The following CCSER1 variants were observed in gnomAD, a reference collection of about 807,000 sequenced individuals.
CCSER1 encodes serine-rich coiled-coil domain-containing protein 1.
In CCSER1, 41 loss-of-function variants were observed where a neutral mutation model predicts 82.0. The observed-to-expected ratio is 0.50, with a 90% CI of 0.39 to 0.65. CCSER1 has a LOEUF of 0.65. Ranked by LOEUF, CCSER1 falls within the 30% of genes least tolerant of loss-of-function variation. The pLI is 0.00. For synonymous variants in CCSER1, 414 were observed against 383.9 expected, an observed-to-expected ratio of 1.08 and a Z score of -0.92; for missense variants, 1,119 against 1,064.2, an observed-to-expected ratio of 1.05 and a Z score of -0.72.
At chr4:90,659,148 T>C (rs971094313) in intron 6 of CCSER1, among the ~76,000 whole-genome samples, 1 of 149,498 alleles carries the variant, frequency 6.7e-6, no homozygotes, top group African/African-American at 2.5e-5. Flanking sequence ...AATGTTACAA[T>C]GGGACTCGTT....
At chr4:90,447,595 T>C (rs1281460090) in intron 4 of CCSER1, among the ~76,000 whole-genome samples, 1 of 152,236 alleles carries the variant, frequency 6.6e-6, no homozygotes, top group East Asian at 1.9e-4. Context: ...GTAAAGTGAC[T>C]AGTTATATTA....
chr4:91,171,408 C>A (rs1445834620), intron 10 of CCSER1, among the ~76,000 whole-genome samples: 3 of 152,152 alleles, frequency 2.0e-5, no homozygotes, highest in Non-Finnish European at 4.4e-5. Context: ...CTTGAGTAGT[C>A]TAGCTTCCTA....
chr4:90,560,792 A>G (rs1323689316), intron 5 of CCSER1, among the ~76,000 whole-genome samples: 1 of 152,104 alleles, frequency 6.6e-6, no homozygotes, highest in Non-Finnish European at 1.5e-5. Flanking sequence ...TACTCTTTTC[A>G]TGGAGTAGTT....
intron 10 of CCSER1, among the ~76,000 whole-genome samples, chr4:91,480,659 G>A (rs898981503): frequency 1.3e-5 from 2 of 152,160 alleles, no homozygotes; most frequent in East Asian, 1.9e-4. Context: ...AAGTATAACC[G>A]AGTAGCAGAA....
At chr4:91,143,719 T>G (rs143982432) in intron 10 of CCSER1, among the ~76,000 whole-genome samples, 2,229 of 152,228 alleles carry the variant, frequency 0.015, 50 homozygotes, top group African/African-American at 0.049. Flanking sequence ...TTTTTCTTCA[T>G]CTATTGAGAT....
intron 1 of CCSER1, among the ~76,000 whole-genome samples, chr4:90,140,203 A>G (rs1578155040): frequency 6.6e-6 from 1 of 152,340 alleles, no homozygotes; most frequent in Non-Finnish European, 1.5e-5. Context: ...CTAAAATAAA[A>G]GTTGCCTTAA....
chr4:90,869,681 AT>A (rs1174781182), intron 8 of CCSER1, among the ~76,000 whole-genome samples: 6 of 150,758 alleles, frequency 4.0e-5, no homozygotes, highest in Non-Finnish European at 8.9e-5. Context: ...GGCTTTGGCT[AT>A]TCTGGGTCTT....
In CCSER1 at chr4:90,296,925, G is replaced by A. The variant is rs568910528; in HGVS notation, c.-41-11319G>A. Reference sequence around the variant, plus strand: ...GTAGTATAGTTTGAAGTCAGGTAGCGTGATGCTTCCAGCTTTGTTCTTTTG... The same window carrying A: ...GTAGTATAGTTTGAAGTCAGGTAGCATGATGCTTCCAGCTTTGTTCTTTTG... On this transcript the variant is annotated intron_variant, in intron 1 of 10. Transcript: ENST00000509176. 5.6e-3 allele frequency among the ~76,000 whole-genome samples: 856 copies of A among 152,198 alleles called. 10 individuals carry two copies. Among genetic ancestry groups the A allele is most frequent in the African/African-American group, 0.02 (824 of 41,516 alleles).
chr4:91,093,832 G>A (rs967992436), intron 10 of CCSER1, among the ~76,000 whole-genome samples: 1 of 152,182 alleles, frequency 6.6e-6, no homozygotes, highest in African/African-American at 2.4e-5. Context: ...GCTCCCAGTT[G>A]CCCCCCTTTG....
At chr4:90,209,864 C>G (rs1292889065) in intron 1 of CCSER1, among the ~76,000 whole-genome samples, 2 of 151,386 alleles carry the variant, frequency 1.3e-5, no homozygotes, top group Non-Finnish European at 2.9e-5. Flanking sequence ...AAGGACTGTC[C>G]TGTTTAATTT....
intron 10 of CCSER1, among the ~76,000 whole-genome samples, chr4:91,474,762 T>C (rs1443047084): frequency 7.2e-5 from 4 of 55,500 alleles, no homozygotes; most frequent in African/African-American, 3.0e-4. Context: ...CACACACATG[T>C]GTGTGTATAT....
intron 6 of CCSER1, among the ~76,000 whole-genome samples, chr4:90,632,105 G>A (rs1012339431): frequency 2.0e-5 from 3 of 151,996 alleles, no homozygotes; most frequent in Non-Finnish European, 4.4e-5. Context: ...ATGAATATAA[G>A]CATTAACGCT....
intron 9 of CCSER1, among the ~76,000 whole-genome samples, chr4:91,021,354 T>A (rs569868027): frequency 1.3e-5 from 2 of 151,966 alleles, no homozygotes; most frequent in Non-Finnish European, 2.9e-5. Flanking sequence ...GCAAAAAAAA[T>A]TAGAAATGAC....
chr4:91,555,483 G>A (rs1560760229), intron 10 of CCSER1, among the ~76,000 whole-genome samples: 1 of 150,934 alleles, frequency 6.6e-6, no homozygotes, highest in Non-Finnish European at 1.5e-5. Context: ...TCAACTAGCA[G>A]TACTCTGATT....
In CCSER1 at chr4:90,753,215, A is replaced by T. The variant is rs181712235; in HGVS notation, c.2010+29224A>T. ...TTAGGAGAAAACTAATGGTGTAAGG[A>T]TCCTTTGTAGATTCCCCTGTTGCCT... On this transcript the variant is annotated intron_variant, in intron 7 of 10. Coordinates refer to ENST00000509176, the MANE Select transcript of CCSER1 (RefSeq NM_001145065.2). Among the ~76,000 whole-genome samples the T allele has an allele frequency of 3.4e-3, 524 of 152,220 alleles. 1 individual carries two copies. The highest frequency in any genetic ancestry group is 5.0e-3 in the Non-Finnish European group (339 of 67,972).
chr4:91,161,113 CCA>C (rs1731347803), intron 10 of CCSER1, among the ~76,000 whole-genome samples: 2 of 152,168 alleles, frequency 1.3e-5, no homozygotes, highest in Non-Finnish European at 2.9e-5. Flanking sequence ...TTTCAGCTTT[CCA>C]CATATGGCTA....
intron 4 of CCSER1, among the ~76,000 whole-genome samples, chr4:90,407,915 A>G (rs926257730): frequency 4.6e-5 from 7 of 152,146 alleles, no homozygotes; most frequent in African/African-American, 1.7e-4. Context: ...CGGCATCTGG[A>G]AAATCGGGTC....
intron 9 of CCSER1, among the ~76,000 whole-genome samples, chr4:90,992,987 A>G (rs1737174396): frequency 6.6e-6 from 1 of 152,034 alleles, no homozygotes. Context: ...AGTGGGCATC[A>G]TTGGAGCCAC....
At chr4:90,319,927 A>T (rs2153486404) in intron 3 of CCSER1, among the ~76,000 whole-genome samples, 1 of 152,358 alleles carries the variant, frequency 6.6e-6, no homozygotes, top group East Asian at 1.9e-4. Context: ...GAAGAAAATC[A>T]CAAGTATCAC....
Sources: allele counts gnomAD v4.1 joint callset (sites outside exome capture counted in the v4.1 genomes callset), GRCh38; gene constraint gnomAD v4.1.1; transcripts MANE v1.5; gene names NCBI Gene and HGNC (gene_info 2026-07-23, HGNC 2026-07-21).